LARS1: variants seen among roughly 807,000 people sequenced by gnomAD.
LARS1 encodes the protein leucine--tRNA ligase, cytoplasmic.
In LARS1, 100 loss-of-function variants were observed where a neutral mutation model predicts 162.8. That is an observed-to-expected ratio of 0.61 (90% CI 0.52 to 0.73). The LOEUF (loss-of-function observed/expected upper bound fraction) is 0.73. Ranked by LOEUF, LARS1 falls within the 30% of genes least tolerant of loss-of-function variation. The pLI is 0.00. For synonymous variants in LARS1, 457 were observed against 462.8 expected, an observed-to-expected ratio of 0.99 and a Z score of 0.16; for missense variants, 1,258 against 1,408.9, an observed-to-expected ratio of 0.89 and a Z score of 1.71.
chr5:146,133,905 C>A (rs1401681073), intron 22 of LARS1, among the ~76,000 whole-genome samples: 1 of 152,118 alleles, frequency 6.6e-6, no homozygotes, highest in Non-Finnish European at 1.5e-5. Flanking sequence ...AATGCAATGG[C>A]GCGATCTCGG....
chr5:146,169,376 C>T (rs1723816399), intron 4 of LARS1, among the ~76,000 whole-genome samples: 1 of 151,954 alleles, frequency 6.6e-6, no homozygotes. Flanking sequence ...ATAAGAAATA[C>T]AGAAGTAAAA....
chr5:146,145,796 AC>A (rs1272388438), intron 15 of LARS1, among the ~76,000 whole-genome samples: 5 of 152,174 alleles, frequency 3.3e-5, no homozygotes, highest in Admixed American at 2.6e-4. Flanking sequence ...CAGACATTTA[AC>A]TCCCTCTCAA....
chr5:146,121,847 G>C (rs952487695), intron 30 of LARS1, among the ~76,000 whole-genome samples: 2 of 152,020 alleles, frequency 1.3e-5, no homozygotes, highest in African/African-American at 4.8e-5. Flanking sequence ...GCAACAGAAG[G>C]GATAGCGTTA....
At chr5:146,150,201 G>A (rs1255176038) in intron 14 of LARS1, among the ~76,000 whole-genome samples, 2 of 152,082 alleles carry the variant, frequency 1.3e-5, no homozygotes, top group Non-Finnish European at 2.9e-5. Flanking sequence ...ACATTCTAGG[G>A]CAAAGTATTA....
chr5:146,126,476 TC>T lies in LARS1; in HGVS notation c.2949del (p.Lys984AsnfsTer3). On this transcript the variant is annotated frameshift_variant, in exon 28 of 32. Transcript: ENST00000394434. LOFTEE classifies it high-confidence loss of function. ...AATGGCATGACTTTCTTCATGTATT[TC>T]TTCAGTTCTGGCATACTGCCTAGTT... Reference protein sequence around the residue: ...ASELGSMPELKKYMKKVMPFV... With the variant: ...ASELGSMPELXKYMKKVMPFV... 1 of 1,612,378 alleles carries T rather than the reference TC, an allele frequency of 6.2e-7. No homozygotes were observed. Among genetic ancestry groups the T allele is most frequent in the African/African-American group, 1.3e-5 (1 of 74,964 alleles).
chr5:146,182,638 C>G lies in LARS1; in HGVS notation c.-145G>C. Reference sequence around the variant, plus strand: ...GCTTCACACCTGCTGAGGCAATCATCCGGCTCCTTACTAACTACAGCCAAG... The same window carrying G: ...GCTTCACACCTGCTGAGGCAATCATGCGGCTCCTTACTAACTACAGCCAAG... On this transcript the variant is annotated 5_prime_UTR_variant, in exon 1 of 32. Coordinates refer to ENST00000394434, the MANE Select transcript of LARS1 (RefSeq NM_020117.11). The G allele has an allele frequency of 8.9e-7, 1 of 1,127,396 alleles. No homozygotes were observed. Among genetic ancestry groups the G allele is most frequent in the South Asian group, 1.3e-5 (1 of 78,090 alleles). The allele number at this position is 1,127,396 out of a possible 1,614,324, so 69.8% of individuals were successfully genotyped here. A position where few individuals can be genotyped will look rare whatever the true frequency, so the allele number is the denominator to read the frequency against.
chr5:146,169,832 A>G (rs541436110), intron 4 of LARS1, among the ~76,000 whole-genome samples: 2 of 152,164 alleles, frequency 1.3e-5, no homozygotes, highest in Non-Finnish European at 2.9e-5. Flanking sequence ...TACAGGCGTG[A>G]GCCACCGTGT....
intron 26 of LARS1, 80 bp from the exon 27 acceptor site, chr5:146,128,862 C>T: frequency 7.1e-7 from 1 of 1,410,886 alleles, no homozygotes; most frequent in Non-Finnish European, 9.8e-7. Context: ...CCAACATACA[C>T]CACCACGGTC....
chr5:146,115,581 CAAAAAAAAAAAAA>C (rs58644900), intron 31 of LARS1, among the ~76,000 whole-genome samples: 3 of 20,614 alleles, frequency 1.5e-4, no homozygotes, highest in African/African-American at 2.4e-4. Flanking sequence ...AGCGCCTGAC[CAAAAAAAAAAAAA>C]AAAAAAAAAA....
Position 146,151,905 on chromosome 5 carries a change from G to C in LARS1, c.1382C>G (p.Ala461Gly). The change falls in exon 14 of 32, where the codon GCA (alanine) becomes GGA (glycine). Residue 461 changes from alanine to glycine, a missense_variant. Transcript: ENST00000394434. ...TAGATATATCTTCTCCTTTGCTTCTGCAAGTTTTTCCCGGTCATTCTGGCT... is the reference window on the plus strand; with the variant it reads ...TAGATATATCTTCTCCTTTGCTTCTCCAAGTTTTTCCCGGTCATTCTGGCT... ...IQSQNDREKLAEAKEKIYLKG... is the reference protein window; with the variant it reads ...IQSQNDREKLGEAKEKIYLKG... 1.2e-6 allele frequency: 2 copies of C among 1,614,004 alleles called. No individual in the cohort carries two copies. Among genetic ancestry groups the C allele is most frequent in the South Asian group, 1.1e-5 (1 of 91,088 alleles).
intron 15 of LARS1, 80 bp from the exon 16 acceptor site, chr5:146,144,789 A>C: frequency 1.6e-6 from 2 of 1,251,290 alleles, no homozygotes; most frequent in Non-Finnish European, 2.3e-6. Context: ...TTACTTTAAA[A>C]AAATGCTATA....
intron 15 of LARS1, among the ~76,000 whole-genome samples, chr5:146,149,280 G>C (rs1753162845): frequency 6.6e-6 from 1 of 152,108 alleles, no homozygotes; most frequent in African/African-American, 2.4e-5. Flanking sequence ...CTAAATAGAA[G>C]AGAGTTATAA....
intron 1 of LARS1, among the ~76,000 whole-genome samples, chr5:146,180,159 A>G (rs900711626): frequency 1.3e-5 from 2 of 152,208 alleles, no homozygotes; most frequent in African/African-American, 2.4e-5. Flanking sequence ...TGAACCCAGG[A>G]GATCAAGGCT....
chr5:146,127,715 A>G (rs1752103163), intron 27 of LARS1, among the ~76,000 whole-genome samples: 1 of 152,100 alleles, frequency 6.6e-6, no homozygotes, highest in Non-Finnish European at 1.5e-5. Context: ...CAGATTCTAA[A>G]GGCCACCTTC....
At chr5:146,147,648 G>A (rs1753074043) in intron 15 of LARS1, among the ~76,000 whole-genome samples, 1 of 151,998 alleles carries the variant, frequency 6.6e-6, no homozygotes, top group Admixed American at 6.5e-5. Flanking sequence ...AATGATGAGG[G>A]ACTATCCCAC....
intron 5 of LARS1, among the ~76,000 whole-genome samples, chr5:146,167,163 T>C (rs1466246204): frequency 6.6e-6 from 1 of 152,182 alleles, no homozygotes; most frequent in African/African-American, 2.4e-5. Flanking sequence ...ACATGACAAC[T>C]AACTGCAATG....
chr5:146,135,486 TA>T, intron 22 of LARS1, 114 bp downstream of exon 22: 1 of 713,938 alleles, frequency 1.4e-6, no homozygotes, highest in Non-Finnish European at 2.3e-6. Context: ...ATTAAGATTT[TA>T]AAATTTTGTT....
intron 1 of LARS1, 190 bp downstream of exon 1, chr5:146,182,298 G>T: frequency 1.4e-6 from 1 of 708,766 alleles, no homozygotes; most frequent in Non-Finnish European, 2.5e-6. Flanking sequence ...CAAGTACTCC[G>T]TAAAGTTAAC....
chr5:146,151,461 G>A (rs558938672), intron 14 of LARS1, among the ~76,000 whole-genome samples: 1 of 152,264 alleles, frequency 6.6e-6, no homozygotes, highest in South Asian at 2.1e-4. Context: ...CTGGCATTTA[G>A]TAGACATTAA....
Sources: gnomAD v4.1 joint callset for allele counts (sites outside exome capture counted in the v4.1 genomes callset) on GRCh38, gnomAD v4.1.1 for gene constraint, MANE v1.5 for transcripts, NCBI Gene and HGNC (gene_info 2026-07-23, HGNC 2026-07-21) for gene names.